Variants in KCNT2 observed in about 807,000 individuals in gnomAD.
KCNT2 encodes the protein potassium sodium-activated channel subfamily T member 2.
In KCNT2, 67 loss-of-function variants were observed where a neutral mutation model predicts 153.8. The ratio of observed to expected loss-of-function variants is 0.44; its 90% confidence interval spans 0.36 to 0.53. The LOEUF (loss-of-function observed/expected upper bound fraction) is 0.53, where lower values mean the gene tolerates loss of function less well. KCNT2 is among the 20% of genes least tolerant of loss of function. KCNT2 has a pLI of 0.00. For synonymous variants in KCNT2, 500 were observed against 458.8 expected, an observed-to-expected ratio of 1.09 and a Z score of -1.15; for missense variants, 975 against 1,354.8, an observed-to-expected ratio of 0.72 and a Z score of 4.40.
At chr1:196,376,674 C>T (rs1668997097) in intron 13 of KCNT2, among the ~76,000 whole-genome samples, 1 of 151,868 alleles carries the variant, frequency 6.6e-6, no homozygotes, top group Non-Finnish European at 1.5e-5. Context: ...ATTTGGGTCA[C>T]TCTTGACACA....
intron 1 of KCNT2, among the ~76,000 whole-genome samples, chr1:196,568,839 G>A (rs1008870685): frequency 6.6e-6 from 1 of 151,244 alleles, no homozygotes. Context: ...AATACTGGTT[G>A]AATGCATGCC....
At chr1:196,317,314 A>T in intron 20 of KCNT2, 1 of 450,296 alleles carries the variant, frequency 2.2e-6, no homozygotes, top group Non-Finnish European at 4.5e-6. Context: ...CTATGATAAG[A>T]GGGGCCAGGA....
intron 1 of KCNT2, among the ~76,000 whole-genome samples, chr1:196,524,136 C>A (rs1202676276): frequency 6.6e-6 from 1 of 152,086 alleles, no homozygotes; most frequent in Non-Finnish European, 1.5e-5. Flanking sequence ...TACTAAATTT[C>A]TTTGTTTCTA....
chr1:196,326,842 T>A lies in KCNT2; in HGVS notation c.2151A>T (p.Lys717Asn). 6.3e-7 allele frequency: 1 copy of A among 1,588,122 alleles called. No homozygotes were observed. The change falls in exon 19 of 28, where the codon AAA (lysine) becomes AAT (asparagine). Residue 717 changes from lysine to asparagine, a missense_variant. This residue lies in a region of KCNT2 where 325 missense variants were observed against 388.1 expected (regional missense o/e 0.84). Coordinates refer to ENST00000294725, the MANE Select transcript of KCNT2 (RefSeq NM_198503.5). The part of the protein sequence containing the change: ...YYEDAKAYGF[K>N]NKLIIVAAET... The stretch of plus-strand genomic sequence containing the variant: ...CAGCTGCAACTATAATTAGTTTATT[T>A]TTGAATCCATAGGCTTTTGCATCCT...
intron 4 of KCNT2, among the ~76,000 whole-genome samples, chr1:196,480,883 A>AG (rs1678962401): frequency 6.7e-6 from 1 of 149,866 alleles, no homozygotes; most frequent in Non-Finnish European, 1.5e-5. Context: ...AAAAAAAAAA[A>AG]AAGAGCATCG....
intron 26 of KCNT2, among the ~76,000 whole-genome samples, chr1:196,252,770 A>G (rs1656094459): frequency 6.6e-6 from 1 of 151,452 alleles, no homozygotes; most frequent in Admixed American, 6.6e-5. Flanking sequence ...AAACAAATTC[A>G]GCATTTGTTT....
chr1:196,460,205 AT>A (rs201122980), intron 8 of KCNT2, among the ~76,000 whole-genome samples: 1 of 151,738 alleles, frequency 6.6e-6, no homozygotes. Context: ...ATCCAAGGGT[AT>A]TTTTTTAAAT....
chr1:196,313,616 T>C (rs1662407823), intron 21 of KCNT2, among the ~76,000 whole-genome samples: 1 of 151,624 alleles, frequency 6.6e-6, no homozygotes. Flanking sequence ...TCTTACTTTT[T>C]ATCATGTAAA....
At chr1:196,588,575 A>C (rs1488807350) in intron 1 of KCNT2, among the ~76,000 whole-genome samples, 1 of 152,094 alleles carries the variant, frequency 6.6e-6, no homozygotes. Flanking sequence ...TTCTTAATAC[A>C]TAAGCTGTGT....
chr1:196,479,555 C>T (rs1678828163), intron 4 of KCNT2, among the ~76,000 whole-genome samples: 1 of 152,052 alleles, frequency 6.6e-6, no homozygotes, highest in Non-Finnish European at 1.5e-5. Context: ...AGAACAGGCT[C>T]TTTTATGGGT....
intron 1 of KCNT2, among the ~76,000 whole-genome samples, chr1:196,508,189 C>CAAAAAAAAAAAAAAAAAAAAAAAATA (rs10539910): frequency 1.7e-5 from 1 of 59,984 alleles, no homozygotes; most frequent in Admixed American, 2.3e-4. Flanking sequence ...CCCTAAGTAG[C>CAAAAAAAAAAAAAAAAAAAAAAAATA]AAAAAAAAAA....
In KCNT2 at chr1:196,453,041, T is replaced by C. The variant is rs1466347426; in HGVS notation, c.638+12252A>G. On this transcript the variant is annotated intron_variant, in intron 8 of 27. Transcript: ENST00000294725. ...ATGATCACAGTAAATGAGAAGCTGT[T>C]TTTGCCTGTTATTTTTGTTTTGTTC... Among the ~76,000 whole-genome samples, 4 of 152,032 alleles carry C rather than the reference T, an allele frequency of 2.6e-5. No homozygotes were observed. The East Asian group carries it at 7.8e-4, about 30-fold the overall frequency.
At chr1:196,313,495 G>C (rs1484249683) in intron 21 of KCNT2, among the ~76,000 whole-genome samples, 2 of 151,464 alleles carry the variant, frequency 1.3e-5, no homozygotes, top group East Asian at 3.9e-4. Context: ...GAGTGATCTG[G>C]AGGATGATAA....
At chr1:196,440,864 A>G (rs1572462729) in intron 8 of KCNT2, among the ~76,000 whole-genome samples, 2 of 151,914 alleles carry the variant, frequency 1.3e-5, no homozygotes, top group East Asian at 1.9e-4. Flanking sequence ...AAAAAAATCA[A>G]TATGCCTCAC....
intron 1 of KCNT2, among the ~76,000 whole-genome samples, chr1:196,596,054 G>GTATATATATATATATA (rs766378425): frequency 7.9e-5 from 11 of 138,524 alleles, no homozygotes; most frequent in African/African-American, 3.6e-4. Flanking sequence ...ATTCCATGAT[G>GTATATATATATATATA]TGTATATATA....
At chr1:196,402,512 C>CA (rs201093915) in intron 12 of KCNT2, among the ~76,000 whole-genome samples, 3,771 of 150,268 alleles carry the variant, frequency 0.025, 130 homozygotes, top group African/African-American at 0.078. Context: ...ACAGCACTCA[C>CA]AAAAAAAATT....
rs552383244 is a variant in KCNT2 at position 196,535,246 on chromosome 1, G to A, written c.96-42905C>T. Reference sequence around the variant, plus strand: ...GGCCATTATGATGTATTCACCATGTGGTCAACACCATCTCATTTTGTCTTT... The same window carrying A: ...GGCCATTATGATGTATTCACCATGTAGTCAACACCATCTCATTTTGTCTTT... On this transcript the variant is annotated intron_variant, in intron 1 of 27. Coordinates refer to ENST00000294725, the MANE Select transcript of KCNT2 (RefSeq NM_198503.5). Among the ~76,000 whole-genome samples the A allele has an allele frequency of 2.6e-5, 4 of 152,186 alleles. No individual in the cohort carries two copies. In the East Asian group the frequency reaches 7.7e-4, roughly 29 times the overall value.
Position 196,553,706 on chromosome 1 carries a change from C to T in KCNT2, c.95+54509G>A, listed in dbSNP as rs954962483. Among the ~76,000 whole-genome samples the T allele has an allele frequency of 6.6e-5, 10 of 150,984 alleles. No individual in the cohort carries two copies. The South Asian group carries it at 1.0e-3, about 16-fold the overall frequency. On this transcript the variant is annotated intron_variant, in intron 1 of 27. Coordinates refer to ENST00000294725, the MANE Select transcript of KCNT2 (RefSeq NM_198503.5). ...ATATGCATTCTTTTCCTCAGCACAT[C>T]GGTCATTCTCAAGGATAGACCTTAT...
chr1:196,602,259 C>A (rs939671876), intron 1 of KCNT2, among the ~76,000 whole-genome samples: 2 of 152,036 alleles, frequency 1.3e-5, no homozygotes, highest in Non-Finnish European at 2.9e-5. Context: ...AACTGGTTAC[C>A]GTTTTACTGT....
Sources: gnomAD v4.1 joint callset for allele counts (sites outside exome capture counted in the v4.1 genomes callset) on GRCh38, gnomAD v4.1.1 for gene constraint, gnomAD v4.1.1 regional missense constraint, MANE v1.5 for transcripts, NCBI Gene and HGNC (gene_info 2026-07-23, HGNC 2026-07-21) for gene names.